UNC5C: variants seen among roughly 807,000 people sequenced by gnomAD.
The protein encoded by UNC5C is unc-5 netrin receptor C, also known as netrin receptor UNC5C.
In UNC5C, 47 loss-of-function variants were observed where a neutral mutation model predicts 99.8. The ratio of observed to expected loss-of-function variants is 0.47; its 90% CI spans 0.37 to 0.60. UNC5C has a LOEUF of 0.60. Among genes scored for constraint, UNC5C ranks in the 20% least tolerant of loss-of-function variants. The probability of loss-of-function intolerance (pLI) is 0.00; values close to 1 mark genes in which losing one functional copy is unlikely to be tolerated. For missense variants in UNC5C, 1,062 were observed against 1,165.9 expected, an observed-to-expected ratio of 0.91 and a Z score of 1.30; for synonymous variants, 487 against 452.2, an observed-to-expected ratio of 1.08 and a Z score of -0.98.
intron 2 of UNC5C, among the ~76,000 whole-genome samples, chr4:95,303,948 A>G (rs1741967012): frequency 6.6e-6 from 1 of 152,150 alleles, no homozygotes; most frequent in African/African-American, 2.4e-5. Flanking sequence ...TAAAAACTGT[A>G]TTTTAGAACT....
In UNC5C at chr4:95,166,150, C is replaced by T. The variant is rs1328133872; in HGVS notation, c.*3084G>A. The T allele has an allele frequency of 6.6e-6, 1 of 152,100 alleles. No individual in the cohort carries two copies. The highest frequency in any genetic ancestry group is 6.5e-5 in the Admixed American group (1 of 15,276). The allele number at this position is 152,100 out of a possible 1,614,324, so 9.4% of individuals were successfully genotyped here. A position where few individuals can be genotyped will look rare whatever the true frequency, so the allele number is the denominator to read the frequency against. ...CAGCATGCACAAATGATAGTTTTTT[C>T]TATCCAAATGAAACCAGCCAAACTG... On this transcript the variant is annotated 3_prime_UTR_variant, in exon 16 of 16. Coordinates refer to ENST00000453304, the MANE Select transcript of UNC5C (RefSeq NM_003728.4).
At chr4:95,494,812 T>C (rs1433257263) in intron 1 of UNC5C, among the ~76,000 whole-genome samples, 1 of 151,556 alleles carries the variant, frequency 6.6e-6, no homozygotes, top group African/African-American at 2.4e-5. Flanking sequence ...TGCAACTTAC[T>C]ATGAAATTTT....
intron 1 of UNC5C, among the ~76,000 whole-genome samples, chr4:95,336,038 C>T (rs997311481): frequency 2.6e-5 from 4 of 151,822 alleles, no homozygotes; most frequent in Admixed American, 1.3e-4. Context: ...TCATAAGGCT[C>T]ATAGATAAAG....
At chr4:95,198,991 A>G (rs1169555345) in intron 12 of UNC5C, among the ~76,000 whole-genome samples, 1 of 152,192 alleles carries the variant, frequency 6.6e-6, no homozygotes, top group Non-Finnish European at 1.5e-5. Flanking sequence ...TAGACCAATT[A>G]GATCAGAACC....
rs1453058821 is a variant in UNC5C at position 95,332,227 on chromosome 4, G to T, written c.346+3183C>A. ...CAGAATTGGAAAAAACTACTTTAAA[G>T]TTCATATTGAACCAAAAAAGAGCCC... On this transcript the variant is annotated intron_variant, in intron 2 of 15. Transcript: ENST00000453304. 2.6e-5 allele frequency among the ~76,000 whole-genome samples: 4 copies of T among 151,988 alleles called. No individual in the cohort carries two copies. In the East Asian group the frequency reaches 7.8e-4, roughly 30 times the overall value.
intron 1 of UNC5C, among the ~76,000 whole-genome samples, chr4:95,509,207 T>C (rs1396653146): frequency 6.6e-6 from 1 of 151,802 alleles, no homozygotes; most frequent in Non-Finnish European, 1.5e-5. Context: ...TTTTTTGTAG[T>C]TTTTTTCTAG....
intron 14 of UNC5C, among the ~76,000 whole-genome samples, chr4:95,176,121 G>C (rs1321750543): frequency 7.1e-6 from 1 of 141,186 alleles, no homozygotes; most frequent in African/African-American, 2.6e-5. Flanking sequence ...TCTCTGTATT[G>C]GTTATTCTAG....
rs1348063574 is a variant in UNC5C, at chr4:95,548,806, A to G, written c.52T>C (p.Tyr18His). Residue 18 changes from tyrosine (Y) to histidine (H), a missense_variant, in exon 1 of 16, where the codon TAC becomes CAC. Transcript: ENST00000453304. ...TAARCGLGLG[Y>H]LLQMLVLPAL... ...GGTAGCACGAGCATTTGCAGCAAGT[A>G]TCCCAGTCCCAGTCCGCAGCGGGCC... 1 of 1,613,440 alleles carries G rather than the reference A, an allele frequency of 6.2e-7. No individual in the cohort carries two copies. The highest frequency in any genetic ancestry group is 1.1e-5 in the South Asian group (1 of 91,064).
At chr4:95,475,191 A>T (rs1748104362) in intron 1 of UNC5C, among the ~76,000 whole-genome samples, 1 of 152,062 alleles carries the variant, frequency 6.6e-6, no homozygotes, top group Non-Finnish European at 1.5e-5. Context: ...TCTTAAATTA[A>T]GGGGTGTCTT....
At chr4:95,180,662 CTCTG>C (rs1209260388) in intron 14 of UNC5C, among the ~76,000 whole-genome samples, 2 of 152,206 alleles carry the variant, frequency 1.3e-5, no homozygotes, top group Non-Finnish European at 2.9e-5. Flanking sequence ...GCAACAGGTC[CTCTG>C]TCTGACAGGA....
At chr4:95,471,770 T>C (rs531485187) in intron 1 of UNC5C, among the ~76,000 whole-genome samples, 3 of 152,248 alleles carry the variant, frequency 2.0e-5, no homozygotes, top group Admixed American at 2.0e-4. Context: ...CAGCACGTGA[T>C]GTAAGGATGA....
intron 3 of UNC5C, among the ~76,000 whole-genome samples, chr4:95,299,922 G>T (rs1219960608): frequency 6.6e-6 from 1 of 152,152 alleles, no homozygotes; most frequent in African/African-American, 2.4e-5. Flanking sequence ...AGGGAGGAAG[G>T]GCTGGAATAG....
chr4:95,333,148 C>T (rs371744397), intron 2 of UNC5C, among the ~76,000 whole-genome samples: 213 of 152,072 alleles, frequency 1.4e-3, no homozygotes, highest in Middle Eastern at 0.01. Context: ...TCAACCATTG[C>T]GGAAGTCAGT....
intron 1 of UNC5C, among the ~76,000 whole-genome samples, chr4:95,429,058 AC>A (rs1746560250): frequency 6.6e-6 from 1 of 152,030 alleles, no homozygotes; most frequent in Non-Finnish European, 1.5e-5. Context: ...AAGGAGGGCA[AC>A]TTGAGAAAGC....
At chr4:95,490,366 G>A (rs265013) in intron 1 of UNC5C, among the ~76,000 whole-genome samples, 113,081 of 151,548 alleles carry the variant, frequency 0.75, 43,238 homozygotes, top group South Asian at 0.86. Flanking sequence ...TAAGCATTCA[G>A]TCACATTTTA....
intron 7 of UNC5C, among the ~76,000 whole-genome samples, chr4:95,226,596 C>A (rs187807923): frequency 6.6e-5 from 10 of 152,254 alleles, no homozygotes; most frequent in Non-Finnish European, 1.0e-4. Flanking sequence ...AGACAGGGAG[C>A]CCAGTTTTTC....
intron 4 of UNC5C, among the ~76,000 whole-genome samples, chr4:95,264,577 T>G (rs1740371495): frequency 6.6e-6 from 1 of 152,082 alleles, no homozygotes; most frequent in Admixed American, 6.6e-5. Flanking sequence ...ACAACAAAAT[T>G]AAGCCTGACA....
chr4:95,254,698 T>G (rs540909671), intron 4 of UNC5C, among the ~76,000 whole-genome samples: 3 of 152,310 alleles, frequency 2.0e-5, no homozygotes, highest in African/African-American at 7.2e-5. Flanking sequence ...GAAGCATGAT[T>G]TAGCTCTTGT....
intron 1 of UNC5C, among the ~76,000 whole-genome samples, chr4:95,509,078 C>T (rs1055024488): frequency 6.6e-6 from 1 of 151,622 alleles, no homozygotes; most frequent in Non-Finnish European, 1.5e-5. Context: ...AATTTTCTAA[C>T]AAGTAGGAAT....
Sources: allele counts gnomAD v4.1 joint callset (sites outside exome capture counted in the v4.1 genomes callset), GRCh38; gene constraint gnomAD v4.1.1; transcripts MANE v1.5; gene names NCBI Gene and HGNC (gene_info 2026-07-23, HGNC 2026-07-21).